Variants in COL28A1 observed in about 807,000 individuals in gnomAD.
COL28A1 encodes the protein collagen type XXVIII alpha 1 chain.
In COL28A1, 161 loss-of-function variants were observed where a neutral mutation model predicts 150.2. That is an observed-to-expected ratio of 1.07 (90% CI 0.94 to 1.22). The LOEUF (loss-of-function observed/expected upper bound fraction) is 1.22, where lower values mean the gene tolerates loss of function less well. Among genes scored for constraint, COL28A1 ranks in the 50% most tolerant of loss-of-function variants. The pLI, the probability that COL28A1 is intolerant of heterozygous loss-of-function variation, is 0.00. For synonymous variants in COL28A1, 552 were observed against 469.7 expected (o/e 1.18, Z -2.26); for missense variants, 1,617 against 1,388.3 (o/e 1.16, Z -2.62).
chr7:7,527,490 C>T (rs1481996111), intron 3 of COL28A1, among the ~76,000 whole-genome samples: 1 of 152,166 alleles, frequency 6.6e-6, no homozygotes, highest in South Asian at 2.1e-4. Flanking sequence ...TTATGAGGAA[C>T]ATTTAAAGGG....
chr7:7,388,106 G>C (rs1031017743), intron 27 of COL28A1, among the ~76,000 whole-genome samples: 3 of 151,698 alleles, frequency 2.0e-5, no homozygotes, highest in African/African-American at 7.3e-5. Flanking sequence ...GTGGTTAGCT[G>C]AACCCATCAA....
At chr7:7,343,137 T>C in the COL28A1 span, among the ~76,000 whole-genome samples, 1 of 151,900 alleles carries the variant, frequency 6.6e-6, no homozygotes, top group Non-Finnish European at 1.5e-5. Flanking sequence ...AAATTTGGTC[T>C]CGTCTTTAGT....
intron 11 of COL28A1, among the ~76,000 whole-genome samples, chr7:7,499,859 T>C (rs937849641): frequency 6.6e-6 from 1 of 152,232 alleles, no homozygotes; most frequent in African/African-American, 2.4e-5. Flanking sequence ...AAAACAATAA[T>C]GTATTTTTAA....
chr7:7,402,001 G>A (rs974442888), intron 27 of COL28A1, among the ~76,000 whole-genome samples: 2 of 152,196 alleles, frequency 1.3e-5, no homozygotes, highest in Non-Finnish European at 2.9e-5. Context: ...AGCCAGGAAT[G>A]CAGAGTACAG....
At position 7,376,698 on chromosome 7, in the gene COL28A1, T is replaced by C. The variant is rs55740927; in HGVS notation, c.2323-1201A>G. ...AAGGGGAAATATATGTATTTATATA[T>C]TTATGTTTAATTTTTTATAAACGGA... On this transcript the variant is annotated intron_variant, in intron 30 of 34. Coordinates refer to ENST00000399429, the MANE Select transcript of COL28A1 (RefSeq NM_001037763.3). Among the ~76,000 whole-genome samples the C allele has an allele frequency of 4.2e-3, 582 of 139,050 alleles. 6 individuals carry two copies. The highest frequency in any genetic ancestry group is 0.015 in the African/African-American group (556 of 37,014). 91.2% of individuals were successfully genotyped at this position (139,050 alleles called of 152,430 possible).
At chr7:7,473,541 T>A (rs1788609139) in intron 15 of COL28A1, among the ~76,000 whole-genome samples, 1 of 152,112 alleles carries the variant, frequency 6.6e-6, no homozygotes, top group African/African-American at 2.4e-5. Context: ...AAATAATAGA[T>A]GTTGGCACGG....
At position 7,381,630 on chromosome 7, in the gene COL28A1, A is replaced by T. The variant is rs1234466271; in HGVS notation, c.2137-18T>A. 1 of 1,597,430 alleles carries T rather than the reference A, an allele frequency of 6.3e-7. No individual in the cohort carries two copies. The highest frequency in any genetic ancestry group is 2.2e-5 in the East Asian group (1 of 44,756). On this transcript the variant is annotated intron_variant, in intron 27 of 34. Coordinates refer to ENST00000399429, the MANE Select transcript of COL28A1 (RefSeq NM_001037763.3). ...TGTTCCCCCTACATAGGATATGAGA[A>T]AGAGATGTTCTATTAATTTCCCAGG...
intron 3 of COL28A1, among the ~76,000 whole-genome samples, chr7:7,529,361 A>G (rs932763845): frequency 6.6e-6 from 1 of 151,734 alleles, no homozygotes; most frequent in Non-Finnish European, 1.5e-5. Context: ...AAGTTGGTAT[A>G]CCATTCTTTG....
chr7:7,378,565 C>T (rs1032967252), intron 30 of COL28A1, among the ~76,000 whole-genome samples: 20 of 152,130 alleles, frequency 1.3e-4, no homozygotes, highest in African/African-American at 4.8e-4. Flanking sequence ...AATGAATCTG[C>T]ACAATTGATA....
At chr7:7,462,696 TA>T (rs1300167595) in intron 15 of COL28A1, among the ~76,000 whole-genome samples, 1 of 151,902 alleles carries the variant, frequency 6.6e-6, no homozygotes, top group African/African-American at 2.4e-5. Flanking sequence ...CCGTCTCTAC[TA>T]AAAATACAAA....
chr7:7,493,881 T>C (rs1273595435), intron 11 of COL28A1, among the ~76,000 whole-genome samples: 1 of 151,960 alleles, frequency 6.6e-6, no homozygotes, highest in African/African-American at 2.4e-5. Flanking sequence ...GACAGAGAGA[T>C]GGCATGCCCA....
upstream of COL28A1, among the ~76,000 whole-genome samples, chr7:7,538,614 G>C (rs896832070): frequency 6.6e-6 from 1 of 152,040 alleles, no homozygotes; most frequent in Non-Finnish European, 1.5e-5. Flanking sequence ...TCTAGTACCA[G>C]TGCCAACATC....
intron 21 of COL28A1, among the ~76,000 whole-genome samples, chr7:7,438,535 C>T (rs182139969): frequency 1.2e-4 from 19 of 152,264 alleles, no homozygotes; most frequent in Admixed American, 7.2e-4. Context: ...TATGAAGCAC[C>T]CCTGGTGAAA....
intron 9 of COL28A1, among the ~76,000 whole-genome samples, chr7:7,509,258 G>A (rs1780992887): frequency 6.6e-6 from 1 of 152,036 alleles, no homozygotes; most frequent in Admixed American, 6.6e-5. Flanking sequence ...AGCTTCCCAA[G>A]TATCTGGAAT....
the COL28A1 span, among the ~76,000 whole-genome samples, chr7:7,341,196 T>C: frequency 6.6e-6 from 1 of 152,292 alleles, no homozygotes; most frequent in South Asian, 2.1e-4. Context: ...AAGGAGGATA[T>C]AATTATTTGT....
intron 33 of COL28A1, among the ~76,000 whole-genome samples, chr7:7,362,250 A>ATTCTTTT (rs55678709): frequency 0.78 from 118,187 of 151,692 alleles, 46,217 homozygotes; most frequent in East Asian, 0.87. Context: ...GAATAATTAT[A>ATTCTTTT]TTCTTTTGCA....
chr7:7,472,459 C>T (rs1282443187), intron 15 of COL28A1, among the ~76,000 whole-genome samples: 2 of 151,878 alleles, frequency 1.3e-5, no homozygotes, highest in Non-Finnish European at 2.9e-5. Flanking sequence ...AGGAATATAC[C>T]TAACCAAGGA....
chr7:7,425,359 G>C (rs1312582571), intron 25 of COL28A1, among the ~76,000 whole-genome samples: 1 of 151,994 alleles, frequency 6.6e-6, no homozygotes, highest in African/African-American at 2.4e-5. Context: ...AAAGACCTCG[G>C]CTGTTTGGCT....
Position 7,370,879 on chromosome 7 carries a change from G to C in COL28A1, c.2912C>G (p.Thr971Ser). 6.2e-7 allele frequency: 1 copy of C among 1,604,274 alleles called. No individual in the cohort carries two copies. The highest frequency in any genetic ancestry group is 8.5e-7 in the Non-Finnish European group (1 of 1,172,580). The change falls in exon 33 of 35, where the codon ACC becomes AGC. Residue 971 changes from threonine to serine, a missense_variant. Transcript: ENST00000399429. ...TTTTTGAAACAATTTTTGCTTCAGG[G>C]TGTCTTTTAAAAAAGAAGTAGAAAA... ...QFDDFFTLQDTLKQKLFQKIC... is the reference protein window; with the variant it reads ...QFDDFFTLQDSLKQKLFQKIC...
Sources: allele counts gnomAD v4.1 joint callset (sites outside exome capture counted in the v4.1 genomes callset), GRCh38; gene constraint gnomAD v4.1.1; transcripts MANE v1.5; gene names NCBI Gene and HGNC (gene_info 2026-07-23, HGNC 2026-07-21).